The following SWT1 variants were observed in gnomAD, a reference collection of about 807,000 sequenced individuals.
The protein encoded by SWT1 is SWT1 RNA endoribonuclease homolog.
A neutral mutation model predicts 107.3 loss-of-function variants in SWT1; 33 were observed. That is an observed-to-expected ratio of 0.31 (90% CI 0.23 to 0.41). SWT1 has a LOEUF of 0.41. Among genes scored for constraint, SWT1 ranks in the 10% least tolerant of loss-of-function variants. SWT1 has a pLI of 1.00. For missense variants in SWT1, 898 were observed against 1,028.9 expected (o/e 0.87, Z 1.74); for synonymous variants, 345 against 348.3 (o/e 0.99, Z 0.11).
chr1:185,198,508 CT>C (rs1355075236), intron 10 of SWT1, among the ~76,000 whole-genome samples: 3 of 152,162 alleles, frequency 2.0e-5, no homozygotes, highest in Non-Finnish European at 4.4e-5. Context: ...TCTTGTTGAT[CT>C]GTCTAATATT....
intron 4 of SWT1, among the ~76,000 whole-genome samples, chr1:185,173,345 A>G (rs997074354): frequency 6.6e-6 from 1 of 152,002 alleles, no homozygotes; most frequent in Non-Finnish European, 1.5e-5. Flanking sequence ...GTCACATATT[A>G]TCAGTGTTAT....
chr1:185,256,624 A>T (rs1662553257), intron 16 of SWT1, among the ~76,000 whole-genome samples: 2 of 144,554 alleles, frequency 1.4e-5, no homozygotes, highest in South Asian at 4.6e-4. Flanking sequence ...CTTGGTTTTC[A>T]GCTCCATCAG....
chr1:185,191,387 T>C (rs563009711), intron 10 of SWT1, among the ~76,000 whole-genome samples: 1 of 152,110 alleles, frequency 6.6e-6, no homozygotes, highest in Non-Finnish European at 1.5e-5. Flanking sequence ...AATTTGCAGT[T>C]TTTTTTTAAT....
intron 4 of SWT1, among the ~76,000 whole-genome samples, chr1:185,172,008 T>C (rs1655116468): frequency 6.6e-6 from 1 of 152,184 alleles, no homozygotes; most frequent in Admixed American, 6.5e-5. Flanking sequence ...CTTACATAAT[T>C]AATTATTTGA....
At chr1:185,178,648 G>A (rs1655768275) in intron 5 of SWT1, among the ~76,000 whole-genome samples, 1 of 152,116 alleles carries the variant, frequency 6.6e-6, no homozygotes, top group Admixed American at 6.5e-5. Flanking sequence ...AATAGAGAGA[G>A]CAAAGGGTAA....
intron 18 of SWT1, among the ~76,000 whole-genome samples, chr1:185,289,247 C>T (rs963946537): frequency 6.6e-6 from 1 of 152,212 alleles, no homozygotes; most frequent in East Asian, 1.9e-4. Flanking sequence ...GATAAAAGCA[C>T]TTAGTTGCAC....
intron 16 of SWT1, among the ~76,000 whole-genome samples, chr1:185,236,354 C>G (rs1290291371): frequency 6.6e-6 from 1 of 152,182 alleles, no homozygotes; most frequent in Non-Finnish European, 1.5e-5. Context: ...CAGCATGGTA[C>G]TGGTACCAAA....
At chr1:185,213,750 A>G (rs538655968) in intron 13 of SWT1, among the ~76,000 whole-genome samples, 2 of 152,280 alleles carry the variant, frequency 1.3e-5, no homozygotes, top group Admixed American at 6.5e-5. Context: ...GTTTTATGAT[A>G]TTACTTAATT....
intron 15 of SWT1, chr1:185,227,805 G>T: frequency 3.2e-6 from 1 of 315,610 alleles, no homozygotes; most frequent in South Asian, 2.9e-5. Context: ...GTATCCTGAG[G>T]CCAGGCATGA....
chr1:185,210,320 G>A (rs752499181), intron 13 of SWT1, among the ~76,000 whole-genome samples: 17 of 152,142 alleles, frequency 1.1e-4, no homozygotes, highest in Non-Finnish European at 2.5e-4. Flanking sequence ...GAATGGTATT[G>A]CCTAGGTTTT....
chr1:185,204,629 A>C, intron 11 of SWT1, 71 bp from the exon 12 acceptor site: 4 of 722,360 alleles, frequency 5.5e-6, no homozygotes, highest in Non-Finnish European at 8.8e-6. Flanking sequence ...TGTTTATGGC[A>C]ATATACTAAT....
rs561773157 is a variant in SWT1, at chr1:185,266,165, G to A, written c.2442-5158G>A. ...TGCAAGCTCCGCCTGCCGGGTTCAC[G>A]CCATTCTCCTGCCTCAGCCTCCTGA... is the stretch of plus-strand genomic sequence containing the variant. On this transcript the variant is annotated intron_variant, in intron 16 of 18. Coordinates refer to ENST00000367500, the MANE Select transcript of SWT1 (RefSeq NM_017673.7). Among the ~76,000 whole-genome samples the A allele has an allele frequency of 2.3e-3, 355 of 152,220 alleles. 2 individuals are homozygous for A. The highest frequency in any genetic ancestry group is 8.2e-3 in the African/African-American group (341 of 41,538).
intron 14 of SWT1, among the ~76,000 whole-genome samples, chr1:185,216,056 T>A (rs1659192617): frequency 1.3e-5 from 2 of 152,190 alleles, no homozygotes; most frequent in Admixed American, 1.3e-4. Context: ...ATCAAAGGAT[T>A]AGATGATACT....
chr1:185,169,673 G>A (rs1470734615), intron 4 of SWT1, among the ~76,000 whole-genome samples: 3 of 152,040 alleles, frequency 2.0e-5, no homozygotes, highest in Non-Finnish European at 4.4e-5. Context: ...TGGGAGGAAG[G>A]CTTGAGGCCA....
intron 16 of SWT1, among the ~76,000 whole-genome samples, chr1:185,251,673 T>C (rs1276503828): frequency 1.3e-5 from 2 of 152,018 alleles, no homozygotes; most frequent in African/African-American, 4.8e-5. Context: ...TTTGTTGTTA[T>C]TAGTATTTTT....
chr1:185,168,041 T>C (rs1654732029), intron 3 of SWT1, among the ~76,000 whole-genome samples: 1 of 152,192 alleles, frequency 6.6e-6, no homozygotes, highest in African/African-American at 2.4e-5. Flanking sequence ...TTACCTTTCT[T>C]GTGCTTGGCC....
Position 185,204,258 on chromosome 1 carries a change from C to A in SWT1, c.1670-442C>A, listed in dbSNP as rs570985680. Among the ~76,000 whole-genome samples, 6 of 151,062 alleles carry A rather than the reference C, an allele frequency of 4.0e-5. No individual in the cohort carries two copies. The East Asian group carries it at 1.2e-3, about 29-fold the overall frequency. ...GCGCCACTGCATCCAGCCTGGGCAA[C>A]AGAGCGAGACTCCGTCTCAAAAGAA... On this transcript the variant is annotated intron_variant, in intron 11 of 18. Coordinates refer to ENST00000367500, the MANE Select transcript of SWT1 (RefSeq NM_017673.7).
chr1:185,192,571 A>G (rs1657044477), intron 10 of SWT1, among the ~76,000 whole-genome samples: 2 of 151,660 alleles, frequency 1.3e-5, no homozygotes, highest in Admixed American at 6.6e-5. Flanking sequence ...ACAAATCTAA[A>G]CTATACAATG....
At chr1:185,197,652 C>G (rs1473669425) in intron 10 of SWT1, among the ~76,000 whole-genome samples, 1 of 152,140 alleles carries the variant, frequency 6.6e-6, no homozygotes, top group Non-Finnish European at 1.5e-5. Context: ...TTGGTCTATT[C>G]AGGGATTCAG....
Sources: gnomAD v4.1 joint callset for allele counts (sites outside exome capture counted in the v4.1 genomes callset) on GRCh38, gnomAD v4.1.1 for gene constraint, MANE v1.5 for transcripts, NCBI Gene and HGNC (gene_info 2026-07-23, HGNC 2026-07-21) for gene names.